Variants in GRID1 observed in about 807,000 individuals in gnomAD.
GRID1 encodes glutamate ionotropic receptor delta type subunit 1, also known as glutamate receptor ionotropic, delta-1.
GRID1 carries 28 observed loss-of-function variants against 98.0 expected under a neutral mutation model. The ratio of observed to expected loss-of-function variants is 0.29; its 90% CI spans 0.21 to 0.39. The LOEUF is 0.39. Among genes scored for constraint, GRID1 ranks in the 10% least tolerant of loss-of-function variants. The probability of loss-of-function intolerance (pLI) is 1.00; values close to 1 mark genes in which losing one functional copy is unlikely to be tolerated. For missense variants in GRID1, 1,111 were observed against 1,340.5 expected, an observed-to-expected ratio of 0.83 and a Z score of 2.67; for synonymous variants, 553 against 538.5, an observed-to-expected ratio of 1.03 and a Z score of -0.37.
chr10:85,620,839 T>C (rs1010024413), intron 13 of GRID1, among the ~76,000 whole-genome samples: 2 of 152,230 alleles, frequency 1.3e-5, no homozygotes, highest in Non-Finnish European at 2.9e-5. Flanking sequence ...TGTGTGCACA[T>C]ATGCATGCAC....
chr10:85,799,692 A>C, intron 8 of GRID1, among the ~76,000 whole-genome samples: 1 of 152,062 alleles, frequency 6.6e-6, no homozygotes, highest in Non-Finnish European at 1.5e-5. Context: ...AGAGTAGAAT[A>C]GTGGTTACCA....
intron 2 of GRID1, among the ~76,000 whole-genome samples, chr10:86,346,113 T>A (rs926050654): frequency 6.6e-6 from 1 of 152,168 alleles, no homozygotes; most frequent in Non-Finnish European, 1.5e-5. Flanking sequence ...CACTCGTCTG[T>A]CCCTGCCACA....
chr10:86,262,946 C>G (rs1371666930), intron 2 of GRID1, among the ~76,000 whole-genome samples: 1 of 152,002 alleles, frequency 6.6e-6, no homozygotes, highest in Non-Finnish European at 1.5e-5. Flanking sequence ...CTCCCTCCCC[C>G]GAGAGCATAG....
chr10:85,669,537 C>T (rs1841061890), intron 12 of GRID1, among the ~76,000 whole-genome samples: 1 of 152,188 alleles, frequency 6.6e-6, no homozygotes, highest in African/African-American at 2.4e-5. Flanking sequence ...GCTTCCTCCT[C>T]CATACCCACA....
At chr10:85,711,824 C>T (rs987896373) in intron 12 of GRID1, among the ~76,000 whole-genome samples, 2 of 151,608 alleles carry the variant, frequency 1.3e-5, no homozygotes, top group Admixed American at 6.6e-5. Flanking sequence ...AAAAAGAGCA[C>T]ATCAAACAGT....
chr10:86,096,742 CT>C (rs751278174), intron 4 of GRID1, among the ~76,000 whole-genome samples: 4 of 152,328 alleles, frequency 2.6e-5, no homozygotes, highest in South Asian at 4.1e-4. Context: ...ATGGGATAGC[CT>C]TCTAAATACT....
chr10:86,071,645 A>G (rs973796256), intron 4 of GRID1, among the ~76,000 whole-genome samples: 1 of 152,198 alleles, frequency 6.6e-6, no homozygotes, highest in African/African-American at 2.4e-5. Context: ...AGATGATAAC[A>G]AATATTTTCA....
intron 7 of GRID1, among the ~76,000 whole-genome samples, chr10:85,855,651 G>A (rs1292527839): frequency 6.6e-6 from 1 of 152,170 alleles, no homozygotes; most frequent in Admixed American, 6.5e-5. Flanking sequence ...CTCAGCACAT[G>A]AGATACATCA....
At chr10:86,126,626 TTAC>T in intron 4 of GRID1, among the ~76,000 whole-genome samples, 1 of 152,246 alleles carries the variant, frequency 6.6e-6, no homozygotes, top group South Asian at 2.1e-4. Flanking sequence ...AAATCAGACA[TTAC>T]CACTTGGCAG....
chr10:86,075,693 T>A (rs1640796908), intron 4 of GRID1, among the ~76,000 whole-genome samples: 1 of 152,182 alleles, frequency 6.6e-6, no homozygotes, highest in Non-Finnish European at 1.5e-5. Flanking sequence ...GGAGGGCTTG[T>A]ATTGGAAGAG....
intron 4 of GRID1, among the ~76,000 whole-genome samples, chr10:86,027,321 C>A (rs1843128621): frequency 6.6e-6 from 1 of 152,202 alleles, no homozygotes. Flanking sequence ...CTGTTCTGGA[C>A]ATTTCATATT....
At chr10:85,721,642 A>C (rs1211706701) in intron 12 of GRID1, among the ~76,000 whole-genome samples, 1 of 152,216 alleles carries the variant, frequency 6.6e-6, no homozygotes, top group South Asian at 2.1e-4. Flanking sequence ...GAAATGACAA[A>C]ATTTTAGAGA....
At chr10:85,628,463 A>G (rs1842936633) in intron 13 of GRID1, among the ~76,000 whole-genome samples, 1 of 152,106 alleles carries the variant, frequency 6.6e-6, no homozygotes, top group South Asian at 2.1e-4. Context: ...GGCAGCAGAG[A>G]AGAGGACTCA....
At chr10:85,743,056 A>G (rs1841960155) in intron 8 of GRID1, among the ~76,000 whole-genome samples, 1 of 143,994 alleles carries the variant, frequency 6.9e-6, no homozygotes, top group African/African-American at 2.5e-5. Flanking sequence ...GTGATAACCA[A>G]AAATATCTCC....
Position 85,822,583 on chromosome 10 carries a change from A to G in GRID1, c.1233+31913T>C, listed in dbSNP as rs538140941. On this transcript the variant is annotated intron_variant, in intron 8 of 15. Coordinates refer to ENST00000327946, the MANE Select transcript of GRID1 (RefSeq NM_017551.3). ...GGAGAAATAGGAACACTTTTACACC[A>G]TTGGTGGGACTGTAAACTAGTTCAA... is the stretch of plus-strand genomic sequence containing the variant. 8.3e-3 allele frequency among the ~76,000 whole-genome samples: 1,256 copies of G among 152,188 alleles called. 20 individuals are homozygous for G. Among genetic ancestry groups the G allele is most frequent in the African/African-American group, 0.029 (1,188 of 41,488 alleles).
intron 5 of GRID1, among the ~76,000 whole-genome samples, chr10:85,871,644 G>A (rs79011876): frequency 0.012 from 1,836 of 152,254 alleles, 35 homozygotes; most frequent in African/African-American, 0.041. Flanking sequence ...TAATGAGGTT[G>A]GGAATTAGTG....
chr10:86,137,285 C>T (rs1171883118), intron 4 of GRID1, among the ~76,000 whole-genome samples: 2 of 152,214 alleles, frequency 1.3e-5, no homozygotes, highest in East Asian at 3.8e-4. Context: ...TCCTTCATCC[C>T]TTTTAACAGA....
At chr10:85,864,817 A>G (rs905163292) in intron 6 of GRID1, among the ~76,000 whole-genome samples, 6 of 152,234 alleles carry the variant, frequency 3.9e-5, no homozygotes, top group Admixed American at 6.5e-5. Flanking sequence ...GAGAAATTTC[A>G]ACCTGAGGGA....
chr10:86,331,764 A>C (rs1032888652), intron 2 of GRID1, among the ~76,000 whole-genome samples: 2 of 152,216 alleles, frequency 1.3e-5, no homozygotes, highest in Non-Finnish European at 2.9e-5. Context: ...TCTGCAGACA[A>C]GTTGCCATGA....
Sources: allele counts gnomAD v4.1 joint callset (sites outside exome capture counted in the v4.1 genomes callset), GRCh38; gene constraint gnomAD v4.1.1; transcripts MANE v1.5; gene names NCBI Gene and HGNC (gene_info 2026-07-23, HGNC 2026-07-21).